The following LIG3 variants were observed in gnomAD, a reference collection of about 807,000 sequenced individuals.
LIG3 encodes ligase II, DNA, ATP-dependent.
In LIG3, 58 loss-of-function variants were observed where a neutral mutation model predicts 110.9. The observed-to-expected ratio is 0.52, with a 90% CI of 0.42 to 0.65. The LOEUF is 0.65. Ranked by LOEUF, LIG3 falls within the 30% of genes least tolerant of loss-of-function variation. LIG3 has a pLI of 0.00. For missense variants in LIG3, 1,094 were observed against 1,273.8 expected (o/e 0.86, Z 2.15); for synonymous variants, 422 against 472.8 (o/e 0.89, Z 1.39).
At chr17:34,990,829 T>C (rs1173498968) in intron 4 of LIG3, 134 bp from the exon 5 acceptor site, 1 of 753,520 alleles carries the variant, frequency 1.3e-6, no homozygotes, top group Non-Finnish European at 2.1e-6. Flanking sequence ...ACTTGTGAGC[T>C]TAAGCAATTC....
chr17:34,999,801 G>A lies in LIG3; in HGVS notation c.2276G>A (p.Ser759Asn), dbSNP rs530203394. 1.2e-6 allele frequency: 2 copies of A among 1,614,084 alleles called. No homozygotes were observed. Among genetic ancestry groups the A allele is most frequent in the South Asian group, 1.1e-5 (1 of 91,072 alleles). ...CTCTAGGACCCCAGCAAAATACCCA[G>A]CTGGTTGAAGGTCAACAAGATCTAC... ...KISKDPSKIP[S>N]WLKVNKIYYP... The change falls in exon 16 of 20, where the codon AGC (serine) becomes AAC (asparagine). Residue 759 changes from serine (S) to asparagine (N), a missense_variant. Transcript: ENST00000378526.
chr17:34,996,533 T>C (rs755458489), intron 10 of LIG3, 41 bp from the exon 11 acceptor site: 17 of 1,508,634 alleles, frequency 1.1e-5, no homozygotes, highest in Non-Finnish European at 1.5e-5. Context: ...TCACACTGAC[T>C]TTTGTCCTAT....
Position 34,988,171 on chromosome 17 carries a change from C to T in LIG3, c.692-1295C>T, listed in dbSNP as rs367689663. On this transcript the variant is annotated intron_variant, in intron 3 of 19. Coordinates refer to ENST00000378526, the MANE Select transcript of LIG3 (RefSeq NM_013975.4). ...TCGCGCCACTGCACTCCAGCCTGGG[C>T]GACAGCGAGACTCTGTCTCAAAAAA... Among the ~76,000 whole-genome samples, 701 of 124,470 alleles carry T rather than the reference C, an allele frequency of 5.6e-3. 3 individuals carry two copies. Among genetic ancestry groups the T allele is most frequent in the African/African-American group, 0.021 (666 of 32,228 alleles). The allele number at this position is 124,470 out of a possible 152,430, so 81.7% of individuals were successfully genotyped here. A position where few individuals can be genotyped will look rare whatever the true frequency, so the allele number is the denominator to read the frequency against.
At position 34,991,139 on chromosome 17, in the gene LIG3, G is replaced by A. The variant is rs1264638190; in HGVS notation, c.1041+25G>A. The A allele has an allele frequency of 2.5e-6, 4 of 1,611,938 alleles. No homozygotes were observed. In the East Asian group the frequency reaches 6.7e-5, roughly 27 times the overall value. ...GGTCAGAGGAACGGGAGGGAGGGTA[G>A]GCTACATTCCAGGTGGGGTTTTGCC... is the stretch of plus-strand genomic sequence containing the variant. On this transcript the variant is annotated intron_variant, in intron 5 of 19. Coordinates refer to ENST00000378526, the MANE Select transcript of LIG3 (RefSeq NM_013975.4).
chr17:34,986,130 A>G lies in LIG3; in HGVS notation c.690A>G (p.Ser230=). The change falls in exon 3 of 20, where the codon TCA becomes TCG. Residue 230 remains serine, a splice_region_variant and synonymous_variant. Transcript: ENST00000378526. ...STNPRKFSGF[S]AKPNNSGEAP... ...ATCCCCGGAAATTTTCTGGCTTTTC[A>G]GGTAAGATAGGTTAGGGCTACTTTA... 3 of 1,613,876 alleles carry G rather than the reference A, an allele frequency of 1.9e-6. No individual in the cohort carries two copies. Among genetic ancestry groups the G allele is most frequent in the Middle Eastern group, 1.6e-4 (1 of 6,062 alleles).
intron 15 of LIG3, 84 bp downstream of exon 15, chr17:34,999,533 T>C: frequency 2.7e-6 from 4 of 1,499,376 alleles, no homozygotes; most frequent in Non-Finnish European, 3.6e-6. Flanking sequence ...ACTACAGGTA[T>C]TTCTGTCTCC....
rs1480868627 is a variant in LIG3, at chr17:35,009,398, TAATC to T, written c.*4894_*4897del. ...ACAAGTCTTAACTGAAATCTCAGAG[TAATC>T]AGCAAAAGCTACGGAATAATTCTAA... On this transcript the variant is annotated 3_prime_UTR_variant, in exon 20 of 20. Transcript: ENST00000378526. The T allele has an allele frequency of 6.6e-6, 1 of 152,114 alleles. No homozygotes were observed. Among genetic ancestry groups the T allele is most frequent in the African/African-American group, 2.4e-5 (1 of 41,404 alleles). The allele number at this position is 152,114 out of a possible 1,614,324, so 9.4% of individuals were successfully genotyped here.
chr17:34,986,672 C>T (rs747120408), intron 3 of LIG3, among the ~76,000 whole-genome samples: 1 of 152,122 alleles, frequency 6.6e-6, no homozygotes, highest in Non-Finnish European at 1.5e-5. Context: ...TCTATCGCAG[C>T]GGAAAGATTT....
rs1386783006 is a variant in LIG3, at chr17:35,008,193, A to G, written c.*3687A>G. The G allele has an allele frequency of 6.6e-6, 1 of 152,230 alleles. No individual in the cohort carries two copies. Among genetic ancestry groups the G allele is most frequent in the African/African-American group, 2.4e-5 (1 of 41,454 alleles). The allele number at this position is 152,230 out of a possible 1,614,324, so 9.4% of individuals were successfully genotyped here. A position where few individuals can be genotyped will look rare whatever the true frequency, so the allele number is the denominator to read the frequency against. On this transcript the variant is annotated 3_prime_UTR_variant, in exon 20 of 20. Coordinates refer to ENST00000378526, the MANE Select transcript of LIG3 (RefSeq NM_013975.4). ...AGGCCCATCTCTTCTAGATCAGTGT[A>G]AATATCTGAACTCACTTGGTGCTTC...
In LIG3 at chr17:34,983,053, C is replaced by G; in HGVS notation, c.48C>G (p.Leu16=). The stretch of plus-strand genomic sequence containing the variant: ...TCTTTCCACAAACCCTCCGTGCACT[C>G]AGCCGAAAAGAACTGTGCCTATTCC... The part of the protein sequence containing the change: ...KIFFPQTLRA[L]SRKELCLFRK... The change falls in exon 2 of 20, where the codon CTC becomes CTG. Residue 16 remains leucine (L), a synonymous_variant. Transcript: ENST00000378526. The G allele has an allele frequency of 6.2e-7, 1 of 1,611,174 alleles. No individual in the cohort carries two copies. The highest frequency in any genetic ancestry group is 1.7e-4 in the Middle Eastern group (1 of 6,054).
chr17:35,002,068 G>A lies in LIG3; in HGVS notation c.2638G>A (p.Ala880Thr), dbSNP rs1180475973. Residue 880 changes from alanine to threonine, a missense_variant, in exon 18 of 20, where the codon GCA becomes ACA. Ala to Thr is a moderately conservative substitution (Grantham distance 58). Transcript: ENST00000378526. ...PSKPSASTKK[A>T]EGKLSNSNSK... ...CAAGCCCTCAGCCAGTACCAAGAAAGCAGAAGGGAAGCTGAGTAACTCCAA... is the reference window on the plus strand; with the variant it reads ...CAAGCCCTCAGCCAGTACCAAGAAAACAGAAGGGAAGCTGAGTAACTCCAA... 6.3e-7 allele frequency: 1 copy of A among 1,595,662 alleles called. No homozygotes were observed. The highest frequency in any genetic ancestry group is 1.1e-5 in the South Asian group (1 of 88,888).
Position 35,004,904 on chromosome 17 carries a change from A to T in LIG3, c.*398A>T, listed in dbSNP as rs1421160827. 1 of 267,922 alleles carries T rather than the reference A, an allele frequency of 3.7e-6. No individual in the cohort carries two copies. Among genetic ancestry groups the T allele is most frequent in the East Asian group, 9.2e-5 (1 of 10,908 alleles). The allele number at this position is 267,922 out of a possible 1,614,324, so 16.6% of individuals were successfully genotyped here. A position where few individuals can be genotyped will look rare whatever the true frequency, so the allele number is the denominator to read the frequency against. On this transcript the variant is annotated 3_prime_UTR_variant, in exon 20 of 20. Coordinates refer to ENST00000378526, the MANE Select transcript of LIG3 (RefSeq NM_013975.4). The stretch of plus-strand genomic sequence containing the variant: ...CTCTGTCCACAAAGCCTTCTCTCCC[A>T]TCCTTGCCTGTTCCTTTGTACTTCC...
At chr17:34,991,348 C>T (rs2090718816) in intron 5 of LIG3, 1 of 572,958 alleles carries the variant, frequency 1.7e-6, no homozygotes, top group Non-Finnish European at 3.0e-6. Context: ...GCCTGGTTCT[C>T]AAAAGGCAGA....
chr17:35,005,868 C>T lies in LIG3; in HGVS notation c.*1362C>T, dbSNP rs769814134. The T allele has an allele frequency of 8.1e-5, 28 of 346,868 alleles. No homozygotes were observed. Among genetic ancestry groups the T allele is most frequent in the Non-Finnish European group, 1.4e-4 (24 of 175,702 alleles). The allele number at this position is 346,868 out of a possible 1,614,324, so 21.5% of individuals were successfully genotyped here. ...GAGCAGCAGTAAAAGAAATACCTAG[C>T]GAAAAAAACAGGAAGCATATTGAAG... is the stretch of plus-strand genomic sequence containing the variant. On this transcript the variant is annotated 3_prime_UTR_variant, in exon 20 of 20. Transcript: ENST00000378526.
chr17:35,003,184 G>T, intron 19 of LIG3: 2 of 1,507,094 alleles, frequency 1.3e-6, no homozygotes, highest in Non-Finnish European at 1.8e-6. Context: ...GTGGAAGCAG[G>T]TCCAGCAAGC....
chr17:34,985,779 G>T (rs958476116), intron 2 of LIG3, among the ~76,000 whole-genome samples: 1 of 152,166 alleles, frequency 6.6e-6, no homozygotes, highest in African/African-American at 2.4e-5. Context: ...TGGATCTTTT[G>T]TCTCCAGCAT....
At chr17:35,003,422 C>G in intron 19 of LIG3, 1 of 210,588 alleles carries the variant, frequency 4.7e-6, no homozygotes, top group South Asian at 7.9e-5. Context: ...TCAAGCGATT[C>G]TCCGGCTTCA....
chr17:34,989,732 A>T, intron 4 of LIG3, 69 bp downstream of exon 4: 1 of 1,439,348 alleles, frequency 6.9e-7, no homozygotes, highest in Non-Finnish European at 9.8e-7. Flanking sequence ...CTTCCTGGGC[A>T]TGTGAGCTGT....
chr17:34,996,103 G>A lies in LIG3; in HGVS notation c.1651G>A (p.Gly551Arg). The A allele has an allele frequency of 1.2e-6, 2 of 1,614,028 alleles. No individual in the cohort carries two copies. Among genetic ancestry groups the A allele is most frequent in the Non-Finnish European group, 1.7e-6 (2 of 1,179,956 alleles). Residue 551 changes from glycine to arginine, a missense_variant, in exon 10 of 20, where the codon GGG (glycine) becomes AGG (arginine). Physicochemically the swap from Gly to Arg is moderately radical, Grantham distance 125 (BLOSUM62 -2). Coordinates refer to ENST00000378526, the MANE Select transcript of LIG3 (RefSeq NM_013975.4). Reference protein sequence around the residue: ...FKDYIPQAFPGGHSMILDSEV... With the variant: ...FKDYIPQAFPRGHSMILDSEV... The stretch of plus-strand genomic sequence containing the variant: ...GGACTACATTCCCCAGGCTTTTCCT[G>A]GGGGCCACAGCATGATCTTGGATTC...
Sources: gnomAD v4.1 joint callset for allele counts (sites outside exome capture counted in the v4.1 genomes callset) on GRCh38, gnomAD v4.1.1 for gene constraint, MANE v1.5 for transcripts, NCBI Gene and HGNC (gene_info 2026-07-23, HGNC 2026-07-21) for gene names.